The following TOMM70 variants were observed in gnomAD, a reference collection of about 807,000 sequenced individuals.
TOMM70 encodes the protein translocase of outer mitochondrial membrane 70.
Under a neutral mutation model 73.6 loss-of-function variants are expected in TOMM70, and 13 were observed. That is an observed-to-expected ratio of 0.18 (90% confidence interval 0.11 to 0.28). The LOEUF is 0.28. Ranked by LOEUF, TOMM70 falls within the 10% of genes least tolerant of loss-of-function variation. TOMM70 has a pLI of 1.00. For synonymous variants in TOMM70, 257 were observed against 271.2 expected (o/e 0.95, Z 0.51); for missense variants, 609 against 747.5 (o/e 0.81, Z 2.16).
At chr3:100,376,841 C>T (rs1706571344) in intron 6 of TOMM70, among the ~76,000 whole-genome samples, 1 of 152,100 alleles carries the variant, frequency 6.6e-6, no homozygotes, top group Non-Finnish European at 1.5e-5. Context: ...AGCAATACTA[C>T]ATACATATAG....
intron 1 of TOMM70, among the ~76,000 whole-genome samples, chr3:100,392,296 C>CAT (rs1475852762): frequency 6.9e-6 from 1 of 145,162 alleles, no homozygotes; most frequent in African/African-American, 2.7e-5. Flanking sequence ...GTAGCAACTG[C>CAT]ATATACACAC....
In TOMM70 at chr3:100,365,407, CACA is replaced by C; in HGVS notation, c.*154_*156del. On this transcript the variant is annotated 3_prime_UTR_variant, in exon 12 of 12. Coordinates refer to ENST00000284320, the MANE Select transcript of TOMM70 (RefSeq NM_014820.5). ...GCAAACTTCCTTCAACAGCCACACC[CACA>C]ACACCTAGACATGAAACAGATGTAA... The C allele has an allele frequency of 8.9e-7, 1 of 1,123,248 alleles. No individual in the cohort carries two copies. Among genetic ancestry groups the C allele is most frequent in the African/African-American group, 1.6e-5 (1 of 63,984 alleles). 69.6% of individuals were successfully genotyped at this position (1,123,248 alleles called of 1,614,324 possible).
intron 1 of TOMM70, among the ~76,000 whole-genome samples, chr3:100,387,599 G>GACACACACACACACACACACACAC (rs71752325): frequency 8.5e-6 from 1 of 118,188 alleles, no homozygotes; most frequent in Admixed American, 9.2e-5. Flanking sequence ...CACAGACACA[G>GACACACACACACACACACACACAC]ACACACACAC....
chr3:100,365,330 C>A lies in TOMM70; in HGVS notation c.*234G>T. The stretch of plus-strand genomic sequence containing the variant: ...CTCTTTGCAACTTTATTTAAAAATC[C>A]CTTTAACATGTTCTAATCTTTTGTT... On this transcript the variant is annotated 3_prime_UTR_variant, in exon 12 of 12. Coordinates refer to ENST00000284320, the MANE Select transcript of TOMM70 (RefSeq NM_014820.5). The A allele has an allele frequency of 8.6e-6, 4 of 464,140 alleles. No individual in the cohort carries two copies. Among genetic ancestry groups the A allele is most frequent in the South Asian group, 5.2e-5 (1 of 19,084 alleles). The allele number at this position is 464,140 out of a possible 1,614,324, so 28.8% of individuals were successfully genotyped here. A position where few individuals can be genotyped will look rare whatever the true frequency, so the allele number is the denominator to read the frequency against.
chr3:100,386,276 A>G lies in TOMM70; in HGVS notation c.567T>C (p.Ala189=). The G allele has an allele frequency of 6.2e-7, 1 of 1,613,378 alleles. No individual in the cohort carries two copies. Among genetic ancestry groups the G allele is most frequent in the South Asian group, 1.1e-5 (1 of 90,994 alleles). Residue 189 remains alanine (A), a synonymous_variant, in exon 3 of 12, where the codon GCT becomes GCC. Coordinates refer to ENST00000284320, the MANE Select transcript of TOMM70 (RefSeq NM_014820.5). ...CATGGGCTTTTGCACGTCTAAAGAG[A>G]GCTTTCACATATTTGGGATTAAGTT... ...AVELNPKYVK[A]LFRRAKAHEK...
intron 11 of TOMM70, among the ~76,000 whole-genome samples, chr3:100,367,220 G>T (rs1248704035): frequency 6.6e-6 from 1 of 150,902 alleles, no homozygotes; most frequent in Non-Finnish European, 1.5e-5. Context: ...CTCATAAAAA[G>T]AAGAAAAAAA....
chr3:100,363,887 C>T lies in TOMM70; in HGVS notation c.*1677G>A, dbSNP rs1706420141. The T allele has an allele frequency of 6.6e-6, 1 of 152,078 alleles. No individual in the cohort carries two copies. The highest frequency in any genetic ancestry group is 1.5e-5 in the Non-Finnish European group (1 of 68,010). 9.4% of individuals were successfully genotyped at this position (152,078 alleles called of 1,614,324 possible). On this transcript the variant is annotated 3_prime_UTR_variant, in exon 12 of 12. Coordinates refer to ENST00000284320, the MANE Select transcript of TOMM70 (RefSeq NM_014820.5). The stretch of plus-strand genomic sequence containing the variant: ...TAATTAGTGACCTCCTCAATATTTT[C>T]CAAAGATTGACTTTGAAAGGGAGTC...
At chr3:100,396,484 G>T (rs990133855) in intron 1 of TOMM70, among the ~76,000 whole-genome samples, 6 of 152,116 alleles carry the variant, frequency 3.9e-5, no homozygotes, top group African/African-American at 1.2e-4. Context: ...TTAAATAAGT[G>T]CATTTTTCTA....
intron 1 of TOMM70, 79 bp from the exon 2 acceptor site, chr3:100,387,057 T>TA: frequency 1.4e-6 from 2 of 1,445,176 alleles, no homozygotes; most frequent in Non-Finnish European, 1.9e-6. Context: ...AATAAATTGA[T>TA]AAAAACAGGA....
At chr3:100,398,425 CTA>C (rs1463878581) in intron 1 of TOMM70, among the ~76,000 whole-genome samples, 1 of 147,946 alleles carries the variant, frequency 6.8e-6, no homozygotes, top group Non-Finnish European at 1.5e-5. Flanking sequence ...TGTATAGAAA[CTA>C]TCTTTATTTT....
chr3:100,387,246 A>T (rs1472451494), intron 1 of TOMM70, among the ~76,000 whole-genome samples: 1 of 152,154 alleles, frequency 6.6e-6, no homozygotes, highest in Non-Finnish European at 1.5e-5. Context: ...CAGGAGTTTG[A>T]GACCAGCCTG....
Position 100,365,480 on chromosome 3 carries a change from A to G in TOMM70, c.*84T>C, listed in dbSNP as rs1559829012. ...CAGAAATACTGATTTCCACCATTCA[A>G]CACAGTTCATGACAGTGTCTTTAGG... On this transcript the variant is annotated 3_prime_UTR_variant, in exon 12 of 12. Coordinates refer to ENST00000284320, the MANE Select transcript of TOMM70 (RefSeq NM_014820.5). The G allele has an allele frequency of 1.3e-6, 2 of 1,556,648 alleles. No individual in the cohort carries two copies. Among genetic ancestry groups the G allele is most frequent in the Admixed American group, 1.8e-5 (1 of 56,282 alleles).
At chr3:100,385,830 TA>T (rs1162228296) in intron 3 of TOMM70, among the ~76,000 whole-genome samples, 4 of 152,332 alleles carry the variant, frequency 2.6e-5, no homozygotes, top group Non-Finnish European at 5.9e-5. Context: ...AAGCTATGTT[TA>T]TACATATTAT....
chr3:100,390,910 C>T (rs1172101849), intron 1 of TOMM70, among the ~76,000 whole-genome samples: 1 of 151,690 alleles, frequency 6.6e-6, no homozygotes, highest in Admixed American at 6.6e-5. Context: ...GAGGCTGAGG[C>T]GGGTGGATCA....
At chr3:100,398,399 A>G (rs1706848867) in intron 1 of TOMM70, among the ~76,000 whole-genome samples, 1 of 151,936 alleles carries the variant, frequency 6.6e-6, no homozygotes, top group Admixed American at 6.6e-5. Context: ...AAAAAAAAAA[A>G]AAAAATTTAG....
chr3:100,380,977 T>A (rs1032719065), intron 5 of TOMM70, among the ~76,000 whole-genome samples: 3 of 152,172 alleles, frequency 2.0e-5, no homozygotes, highest in Non-Finnish European at 4.4e-5. Flanking sequence ...TTGATAATAA[T>A]ATTGTACCTT....
intron 8 of TOMM70, among the ~76,000 whole-genome samples, chr3:100,373,171 CTT>C (rs111558930): frequency 0.012 from 1,790 of 147,858 alleles, 37 homozygotes; most frequent in African/African-American, 0.043. Context: ...ACCTTTTGAG[CTT>C]TGTGTTTCTG....
intron 5 of TOMM70, among the ~76,000 whole-genome samples, chr3:100,381,006 C>G (rs773441596): frequency 3.9e-5 from 6 of 152,050 alleles, no homozygotes; most frequent in African/African-American, 4.8e-5. Context: ...GAGGGCTACC[C>G]TTGACAGAAA....
chr3:100,372,124 A>G (rs1173019645), intron 9 of TOMM70: 1 of 152,382 alleles, frequency 6.6e-6, no homozygotes, highest in Non-Finnish European at 1.5e-5. Context: ...TCAGACTACA[A>G]TAAAAAAATT....
Sources: allele counts gnomAD v4.1 joint callset (sites outside exome capture counted in the v4.1 genomes callset), GRCh38; gene constraint gnomAD v4.1.1; transcripts MANE v1.5; gene names NCBI Gene and HGNC (gene_info 2026-07-23, HGNC 2026-07-21).